The following NUDCD1 variants were observed in gnomAD, a reference collection of about 807,000 sequenced individuals.
NUDCD1 encodes NudC domain containing 1.
A neutral mutation model predicts 67.8 loss-of-function variants in NUDCD1; 60 were observed. The ratio of observed to expected loss-of-function variants is 0.88; its 90% confidence interval spans 0.72 to 1.10. The LOEUF (loss-of-function observed/expected upper bound fraction) is 1.10. NUDCD1 is among the 50% of genes least tolerant of loss of function. The pLI, the probability that NUDCD1 is intolerant of heterozygous loss-of-function variation, is 0.00. For synonymous variants in NUDCD1, 244 were observed against 230.8 expected (o/e 1.06, Z -0.52); for missense variants, 643 against 695.0 (o/e 0.93, Z 0.84).
chr8:109,302,373 C>A (rs536643411), intron 2 of NUDCD1, among the ~76,000 whole-genome samples: 2 of 152,056 alleles, frequency 1.3e-5, no homozygotes, highest in African/African-American at 2.4e-5. Context: ...AGACTCATCC[C>A]AAATCTTTCT....
chr8:109,279,534 C>G (rs1395010909), intron 6 of NUDCD1, among the ~76,000 whole-genome samples: 1 of 152,128 alleles, frequency 6.6e-6, no homozygotes, highest in Non-Finnish European at 1.5e-5. Flanking sequence ...TTTCCCAGTT[C>G]ATGGCTTACC....
chr8:109,318,500 A>T (rs1027976566), intron 2 of NUDCD1, among the ~76,000 whole-genome samples: 9 of 152,242 alleles, frequency 5.9e-5, no homozygotes, highest in Non-Finnish European at 8.8e-5. Context: ...ACTCATAAAA[A>T]TGCATGTCCT....
rs549188818 is a variant in NUDCD1, at chr8:109,274,075, A to G, written c.1173+1277T>C. On this transcript the variant is annotated intron_variant, in intron 7 of 9. Transcript: ENST00000239690. ...TAGAAGAAAATTTCTTCAATGTAAT[A>G]AAAAGAACCTATCCTTCTTAATGAT... Among the ~76,000 whole-genome samples the G allele has an allele frequency of 3.9e-5, 6 of 152,264 alleles. No individual in the cohort carries two copies. The South Asian group carries it at 1.2e-3, about 32-fold the overall frequency.
chr8:109,329,150 A>G (rs1815748314), intron 1 of NUDCD1, among the ~76,000 whole-genome samples: 1 of 152,146 alleles, frequency 6.6e-6, no homozygotes, highest in Non-Finnish European at 1.5e-5. Flanking sequence ...AAGTAAACGG[A>G]ACTAAAGGCA....
At chr8:109,322,541 CA>C (rs369420382) in intron 1 of NUDCD1, 78 bp from the exon 2 acceptor site, 28,385 of 762,588 alleles carry the variant, frequency 0.037, no homozygotes, top group South Asian at 0.062. Context: ...GCCTACAAGG[CA>C]AAAAAAAAAA....
chr8:109,304,800 A>C lies in NUDCD1; in HGVS notation c.274-8231T>G, dbSNP rs190118462. Among the ~76,000 whole-genome samples, 80 of 152,228 alleles carry C rather than the reference A, an allele frequency of 5.3e-4. No homozygotes were observed. In the East Asian group the frequency reaches 8.7e-3, roughly 17 times the overall value. Reference sequence around the variant, plus strand: ...GCTTATGCTGATAATGTAGCTAAAGAAGCAGCCAGCTTCCAACTTCTGTCC... The same window carrying C: ...GCTTATGCTGATAATGTAGCTAAAGCAGCAGCCAGCTTCCAACTTCTGTCC... On this transcript the variant is annotated intron_variant, in intron 2 of 9. Transcript: ENST00000239690.
intron 1 of NUDCD1, among the ~76,000 whole-genome samples, chr8:109,328,841 T>C (rs986981576): frequency 2.6e-5 from 4 of 152,038 alleles, no homozygotes; most frequent in South Asian, 2.1e-4. Context: ...AAATTCACAA[T>C]GTCTGGCATC....
intron 2 of NUDCD1, among the ~76,000 whole-genome samples, chr8:109,305,961 C>T (rs2980632): frequency 0.63 from 95,677 of 151,934 alleles, 31,388 homozygotes; most frequent in African/African-American, 0.82. Flanking sequence ...CTTATAAGCC[C>T]AATACATCCC....
intron 6 of NUDCD1, among the ~76,000 whole-genome samples, chr8:109,279,823 G>T (rs1814389899): frequency 6.6e-6 from 1 of 151,904 alleles, no homozygotes; most frequent in South Asian, 2.1e-4. Context: ...GTTGAGACGG[G>T]GTTTCACCAT....
chr8:109,256,346 T>C (rs1813737186), intron 8 of NUDCD1, among the ~76,000 whole-genome samples: 1 of 152,230 alleles, frequency 6.6e-6, no homozygotes, highest in Non-Finnish European at 1.5e-5. Flanking sequence ...CAGGATTTTC[T>C]ATTTTATTTC....
chr8:109,246,692 T>G (rs1473334785), intron 8 of NUDCD1, among the ~76,000 whole-genome samples: 4 of 152,176 alleles, frequency 2.6e-5, no homozygotes, highest in Non-Finnish European at 4.4e-5. Context: ...AATGTTATTA[T>G]CAGAGTTGAA....
intron 3 of NUDCD1, among the ~76,000 whole-genome samples, chr8:109,294,100 TCAA>T (rs1468519234): frequency 2.6e-5 from 4 of 152,010 alleles, no homozygotes; most frequent in African/African-American, 9.6e-5. Flanking sequence ...ACACAAGATC[TCAA>T]CAACTATTAC....
At chr8:109,310,517 A>G (rs1007893410) in intron 2 of NUDCD1, among the ~76,000 whole-genome samples, 2 of 152,266 alleles carry the variant, frequency 1.3e-5, no homozygotes, top group African/African-American at 4.8e-5. Flanking sequence ...TAAAAATTCT[A>G]GAAGATAACA....
intron 5 of NUDCD1, among the ~76,000 whole-genome samples, chr8:109,283,841 T>C (rs1277529743): frequency 5.9e-5 from 9 of 152,076 alleles, no homozygotes; most frequent in Admixed American, 5.9e-4. Context: ...GACAGAGCCA[T>C]AGTCCCTGTA....
At chr8:109,247,267 CTAAAA>C (rs1277229122) in intron 8 of NUDCD1, among the ~76,000 whole-genome samples, 3 of 152,094 alleles carry the variant, frequency 2.0e-5, no homozygotes, top group African/African-American at 4.8e-5. Flanking sequence ...TAAACAACAG[CTAAAA>C]TAAAATACAA....
chr8:109,250,445 A>G (rs535539502), intron 8 of NUDCD1, among the ~76,000 whole-genome samples: 1 of 152,284 alleles, frequency 6.6e-6, no homozygotes, highest in South Asian at 2.1e-4. Context: ...TCATGGTGGT[A>G]TTAGAATCTC....
intron 2 of NUDCD1, among the ~76,000 whole-genome samples, chr8:109,317,346 T>C (rs1269806687): frequency 6.6e-6 from 1 of 152,070 alleles, no homozygotes; most frequent in Non-Finnish European, 1.5e-5. Context: ...TGAAACTCTG[T>C]CTCTATTAAC....
chr8:109,316,041 CTT>C (rs1026199162), intron 2 of NUDCD1: 1 of 152,104 alleles, frequency 6.6e-6, no homozygotes, highest in African/African-American at 2.4e-5. Flanking sequence ...AGATGACACT[CTT>C]TTAGTAACAG....
At chr8:109,324,551 C>T (rs1220813674) in intron 1 of NUDCD1, among the ~76,000 whole-genome samples, 1 of 152,058 alleles carries the variant, frequency 6.6e-6, no homozygotes, top group Non-Finnish European at 1.5e-5. Flanking sequence ...GGCACTCCCA[C>T]AAATGAATAT....
Sources: allele counts gnomAD v4.1 joint callset (sites outside exome capture counted in the v4.1 genomes callset), GRCh38; gene constraint gnomAD v4.1.1; transcripts MANE v1.5; gene names NCBI Gene and HGNC (gene_info 2026-07-23, HGNC 2026-07-21).